The following HEATR3 variants were observed in gnomAD, a reference collection of about 807,000 sequenced individuals.
HEATR3 encodes the protein HEAT repeat-containing protein 3.
In HEATR3, 56 loss-of-function variants were observed where a neutral mutation model predicts 72.8. The ratio of observed to expected loss-of-function variants is 0.77; its 90% CI spans 0.62 to 0.96. The LOEUF (loss-of-function observed/expected upper bound fraction) is 0.96. Ranked by LOEUF, HEATR3 falls within the 40% of genes least tolerant of loss-of-function variation. HEATR3 has a pLI of 0.00. For missense variants in HEATR3, 747 were observed against 831.4 expected (o/e 0.90, Z 1.25); for synonymous variants, 331 against 318.1 (o/e 1.04, Z -0.43).
chr16:50,096,154 G>A lies in HEATR3; in HGVS notation c.1599+1361G>A, dbSNP rs189715670. 2.2e-3 allele frequency among the ~76,000 whole-genome samples: 336 copies of A among 151,024 alleles called. 1 individual carries two copies. The highest frequency in any genetic ancestry group is 7.6e-3 in the African/African-American group (313 of 41,122). ...AGCCTGGCCAACATGGTGAAACCCC[G>A]TCTCTACTAAAAATACAAAAGTTAG... On this transcript the variant is annotated intron_variant, in intron 12 of 14. Transcript: ENST00000299192.
At chr16:50,072,566 A>ATC (rs2036635082) in intron 4 of HEATR3, 39 bp from the exon 5 acceptor site, 1 of 1,286,100 alleles carries the variant, frequency 7.8e-7, no homozygotes, top group Non-Finnish European at 1.1e-6. Flanking sequence ...TACTGTTAAA[A>ATC]TGTGAATAGT....
intron 7 of HEATR3, among the ~76,000 whole-genome samples, chr16:50,082,128 A>G (rs2216261): frequency 1 from 151,955 of 152,278 alleles, 75,816 homozygotes; most frequent in Middle Eastern, 1. Flanking sequence ...GATCACTTGA[A>G]GCCAGGAGTT....
chr16:50,085,891 TG>T (rs2036975752), intron 10 of HEATR3, among the ~76,000 whole-genome samples: 1 of 151,818 alleles, frequency 6.6e-6, no homozygotes, highest in African/African-American at 2.4e-5. Flanking sequence ...TAGCCAGGTG[TG>T]GTTGCATGCA....
At chr16:50,087,180 G>C (rs942295394) in intron 11 of HEATR3, among the ~76,000 whole-genome samples, 1 of 152,018 alleles carries the variant, frequency 6.6e-6, no homozygotes, top group Admixed American at 6.5e-5. Context: ...GGGCATGCGT[G>C]CGTGTGTGTA....
chr16:50,067,565 G>T (rs1197134810), intron 2 of HEATR3, among the ~76,000 whole-genome samples: 1 of 151,878 alleles, frequency 6.6e-6, no homozygotes, highest in African/African-American at 2.4e-5. Context: ...ATTACAGGAA[G>T]TGAGGCTGGA....
At position 50,102,409 on chromosome 16, in the gene HEATR3, G is replaced by C. The variant is rs149086832; in HGVS notation, c.1894G>C (p.Glu632Gln). ...AATTAAATTATTATCTGCTCTGAAAGAATTCCAGCCGGTCTTTAAAATGAA... is the reference window on the plus strand; with the variant it reads ...AATTAAATTATTATCTGCTCTGAAACAATTCCAGCCGGTCTTTAAAATGAA... ...IQIKLLSALKEFQPVFKMKIR... is the reference protein window; with the variant it reads ...IQIKLLSALKQFQPVFKMKIR... Residue 632 changes from glutamate (E) to glutamine (Q), a missense_variant, in exon 14 of 15, where the codon GAA becomes CAA. Coordinates refer to ENST00000299192, the MANE Select transcript of HEATR3 (RefSeq NM_182922.4). The C allele has an allele frequency of 8.4e-4, 1,361 of 1,613,684 alleles. 17 individuals are homozygous for C. Among genetic ancestry groups the C allele is most frequent in the Middle Eastern group, 1.2e-3 (7 of 6,058 alleles).
Position 50,100,483 on chromosome 16 carries a change from T to C in HEATR3, c.1743+110T>C, listed in dbSNP as rs914445916. 2.8e-5 allele frequency: 30 copies of C among 1,083,522 alleles called. 2 individuals are homozygous for C. The South Asian group carries it at 3.2e-4, about 12-fold the overall frequency. 67.1% of individuals were successfully genotyped at this position (1,083,522 alleles called of 1,614,324 possible). ...GTGGACTTGAAGAGAAGAAGTCATA[T>C]CAAGTTGCTTTATTGAGTCATATTA... On this transcript the variant is annotated intron_variant, in intron 13 of 14. Transcript: ENST00000299192.
chr16:50,070,038 A>G, intron 3 of HEATR3, 140 bp from the exon 4 acceptor site: 1 of 482,222 alleles, frequency 2.1e-6, no homozygotes. Flanking sequence ...TTGATTTTGT[A>G]CTACTGTTTG....
Position 50,104,935 on chromosome 16 carries a change from G to A in HEATR3, c.1921-4G>A. 2 of 1,569,086 alleles carry A rather than the reference G, an allele frequency of 1.3e-6. No homozygotes were observed. The highest frequency in any genetic ancestry group is 8.6e-7 in the Non-Finnish European group (1 of 1,164,926). On this transcript the variant is annotated splice_polypyrimidine_tract_variant and splice_region_variant and intron_variant, in intron 14 of 14. Coordinates refer to ENST00000299192, the MANE Select transcript of HEATR3 (RefSeq NM_182922.4). ...ATATATGATTTTTTGTTTTTTGTTT[G>A]CAGATACGTAAAGAAGGGAGAGGTA...
intron 10 of HEATR3, among the ~76,000 whole-genome samples, 157 bp from the exon 11 acceptor site, chr16:50,086,055 CAAA>C (rs2036979236): frequency 6.6e-6 from 1 of 152,064 alleles, no homozygotes; most frequent in African/African-American, 2.4e-5. Context: ...TTAGAAAACA[CAAA>C]AAACAGTTCA....
intron 11 of HEATR3, among the ~76,000 whole-genome samples, chr16:50,090,307 T>C (rs909514023): frequency 6.6e-6 from 1 of 151,918 alleles, no homozygotes; most frequent in Admixed American, 6.6e-5. Flanking sequence ...TGAGCTATGA[T>C]TGTGCTACTG....
Position 50,070,223 on chromosome 16 carries a change from A to G in HEATR3, c.445A>G (p.Lys149Glu). ...AAATGAGATGTCTCTGCAGGAGAAA[A>G]AAGATCAGAACAGAAATTCTATTGA... is the stretch of plus-strand genomic sequence containing the variant. ...DSNEMSLQEK[K>E]DQNRNSIENI... The change falls in exon 4 of 15, where the codon AAA becomes GAA. Residue 149 changes from lysine (K) to glutamate (E), a missense_variant. Coordinates refer to ENST00000299192, the MANE Select transcript of HEATR3 (RefSeq NM_182922.4). 6 of 1,610,882 alleles carry G rather than the reference A, an allele frequency of 3.7e-6. No individual in the cohort carries two copies. Among genetic ancestry groups the G allele is most frequent in the Non-Finnish European group, 5.1e-6 (6 of 1,177,898 alleles).
intron 1 of HEATR3, 38 bp downstream of exon 1, chr16:50,066,307 A>T (rs748929423): frequency 6.4e-7 from 1 of 1,570,994 alleles, no homozygotes; most frequent in Non-Finnish European, 8.6e-7. Context: ...AGGCGAGACG[A>T]GGTTGCCCCG....
chr16:50,088,805 G>A (rs2150614988), intron 11 of HEATR3, among the ~76,000 whole-genome samples: 1 of 152,194 alleles, frequency 6.6e-6, no homozygotes, highest in Non-Finnish European at 1.5e-5. Flanking sequence ...AGGGTCCCAG[G>A]TGAGCAGGAC....
chr16:50,073,036 A>C (rs536577873), intron 5 of HEATR3: 2 of 263,188 alleles, frequency 7.6e-6, no homozygotes, highest in Non-Finnish European at 1.4e-5. Flanking sequence ...ACAGTAACGC[A>C]CAACTACCAG....
At chr16:50,075,520 T>C (rs1474619850) in intron 5 of HEATR3, 51 bp from the exon 6 acceptor site, 28 of 1,538,072 alleles carry the variant, frequency 1.8e-5, no homozygotes, top group Non-Finnish European at 2.4e-5. Flanking sequence ...TGGTGTAAAT[T>C]ATCCAAAGCA....
intron 14 of HEATR3, among the ~76,000 whole-genome samples, chr16:50,103,607 C>T (rs1317792000): frequency 6.6e-6 from 1 of 152,210 alleles, no homozygotes; most frequent in African/African-American, 2.4e-5. Flanking sequence ...GTCATAGACT[C>T]TGTGGATGGG....
chr16:50,090,610 A>G (rs190520270), intron 11 of HEATR3, among the ~76,000 whole-genome samples: 248 of 152,240 alleles, frequency 1.6e-3, no homozygotes, highest in Non-Finnish European at 3.0e-3. Context: ...CAAAAGCACT[A>G]ATTTCTTTGT....
At chr16:50,096,975 A>G (rs1305141536) in intron 12 of HEATR3, among the ~76,000 whole-genome samples, 1 of 152,110 alleles carries the variant, frequency 6.6e-6, no homozygotes, top group Non-Finnish European at 1.5e-5. Context: ...CCAACTCATC[A>G]TGATGGCATC....
Sources: allele counts gnomAD v4.1 joint callset (sites outside exome capture counted in the v4.1 genomes callset), GRCh38; gene constraint gnomAD v4.1.1; transcripts MANE v1.5; gene names NCBI Gene and HGNC (gene_info 2026-07-23, HGNC 2026-07-21).